Variants in MGAT4D observed in about 807,000 individuals in gnomAD.
MGAT4D encodes the protein MGAT4 family member D, also known as alpha-1,3-mannosyl-glycoprotein 4-beta-N-acetylglucosaminyltransferase-like protein MGAT4D.
In MGAT4D, 34 loss-of-function variants were observed where a neutral mutation model predicts 15.9. That is an observed-to-expected ratio of 2.14 (90% CI 1.62 to 2.84). MGAT4D has a LOEUF of 2.84. Among genes scored for constraint, MGAT4D ranks in the 30% most tolerant of loss-of-function variants. The probability of loss-of-function intolerance (pLI) is 0.00; values close to 1 mark genes in which losing one functional copy is unlikely to be tolerated. For missense variants in MGAT4D, 327 were observed against 140.2 expected (o/e 2.33, Z -6.73); for synonymous variants, 112 against 48.2 (o/e 2.33, Z -5.49).
intron 1 of MGAT4D, among the ~76,000 whole-genome samples, chr4:140,483,879 T>A (rs1732911815): frequency 6.6e-6 from 1 of 152,162 alleles, no homozygotes; most frequent in Non-Finnish European, 1.5e-5. Context: ...ATGAAAGACT[T>A]AAGTGTAAGA....
intron 1 of MGAT4D, among the ~76,000 whole-genome samples, chr4:140,491,376 T>C (rs1733493283): frequency 6.6e-6 from 1 of 152,112 alleles, no homozygotes; most frequent in Non-Finnish European, 1.5e-5. Context: ...TGCTCTAGAA[T>C]GAGCCCTCTC....
Position 140,491,532 on chromosome 4 carries a change from C to A in MGAT4D, c.94+6597G>T, listed in dbSNP as rs186800578. Among the ~76,000 whole-genome samples the A allele has an allele frequency of 1.6e-3, 249 of 152,062 alleles. 2 individuals carry two copies. The highest frequency in any genetic ancestry group is 5.7e-3 in the African/African-American group (237 of 41,470). ...CCAAGAGGGGGAACATATGAAGTAG[C>A]CTGCAGGCATGCAGCTTGAAGCACC... On this transcript the variant is annotated intron_variant, in intron 1 of 10. Coordinates refer to ENST00000511113, the MANE Select transcript of MGAT4D (RefSeq NM_001277353.2).
chr4:140,445,094 A>G (rs963905378), intron 10 of MGAT4D, among the ~76,000 whole-genome samples: 9 of 152,074 alleles, frequency 5.9e-5, no homozygotes, highest in Non-Finnish European at 1.3e-4. Flanking sequence ...TATGTTGGCC[A>G]GGCTGGTCTC....
At chr4:140,463,381 A>C (rs974443367) in intron 6 of MGAT4D, among the ~76,000 whole-genome samples, 7 of 152,050 alleles carry the variant, frequency 4.6e-5, no homozygotes, top group African/African-American at 1.7e-4. Context: ...TGCAGATATG[A>C]GCACAGAAGC....
intron 1 of MGAT4D, among the ~76,000 whole-genome samples, chr4:140,485,293 T>C (rs1733028551): frequency 6.6e-6 from 1 of 151,764 alleles, no homozygotes; most frequent in African/African-American, 2.4e-5. Flanking sequence ...CAGTAAACTA[T>C]CACAAGGACA....
chr4:140,474,665 G>A (rs1423879321), intron 4 of MGAT4D, 148 bp downstream of exon 4: 1 of 422,126 alleles, frequency 2.4e-6, no homozygotes, highest in Non-Finnish European at 4.2e-6. Flanking sequence ...TAAGTATGTT[G>A]TCTGGTATCC....
chr4:140,449,876 A>G, intron 10 of MGAT4D: 1 of 193,492 alleles, frequency 5.2e-6, no homozygotes. Context: ...AAACACAGCA[A>G]CAAAAGTTGA....
intron 10 of MGAT4D, among the ~76,000 whole-genome samples, chr4:140,450,813 G>A (rs994919220): frequency 1.8e-4 from 27 of 152,130 alleles, no homozygotes; most frequent in African/African-American, 6.0e-4. Context: ...GTTATAGCCT[G>A]CCCAATATCA....
chr4:140,481,049 C>T lies in MGAT4D; in HGVS notation c.253+1278G>A, dbSNP rs75970725. ...GGCTATAATAGGACAGGCATGGTCCCGTAATTCCAGCACTTTGGAAGGCTG... is the reference window on the plus strand; with the variant it reads ...GGCTATAATAGGACAGGCATGGTCCTGTAATTCCAGCACTTTGGAAGGCTG... On this transcript the variant is annotated intron_variant, in intron 2 of 10. Transcript: ENST00000511113. Among the ~76,000 whole-genome samples, 1,511 of 152,128 alleles carry T rather than the reference C, an allele frequency of 9.9e-3. 24 individuals are homozygous for T. Among genetic ancestry groups the T allele is most frequent in the African/African-American group, 0.034 (1,418 of 41,482 alleles).
rs866239962 is a variant in MGAT4D at position 140,485,115 on chromosome 4, G to A, written c.95-2630C>T. On this transcript the variant is annotated intron_variant, in intron 1 of 10. Transcript: ENST00000511113. The stretch of plus-strand genomic sequence containing the variant: ...ACACATGCACACGTATGTTTACTGC[G>A]GCACTATTCACAATAGCAAAGACTT... Among the ~76,000 whole-genome samples the A allele has an allele frequency of 4.6e-5, 7 of 152,214 alleles. 1 individual carries two copies. Among genetic ancestry groups the A allele is most frequent in the African/African-American group, 1.4e-4 (6 of 41,538 alleles).
chr4:140,459,354 G>A (rs989211892), intron 8 of MGAT4D, 158 bp downstream of exon 8: 3 of 317,140 alleles, frequency 9.5e-6, no homozygotes, highest in African/African-American at 2.1e-5. Flanking sequence ...TGGAATTTAG[G>A]TACTTGCATC....
At chr4:140,486,592 A>G (rs1276024571) in intron 1 of MGAT4D, among the ~76,000 whole-genome samples, 1 of 152,142 alleles carries the variant, frequency 6.6e-6, no homozygotes, top group Non-Finnish European at 1.5e-5. Context: ...CATATTATGT[A>G]TTGACTGCTT....
At chr4:140,475,484 A>T (rs1732248933) in intron 3 of MGAT4D, among the ~76,000 whole-genome samples, 1 of 152,100 alleles carries the variant, frequency 6.6e-6, no homozygotes, top group Non-Finnish European at 1.5e-5. Context: ...GTACAGGTGC[A>T]GCTAAGATTG....
chr4:140,488,527 C>A (rs1733290914), intron 1 of MGAT4D, among the ~76,000 whole-genome samples: 1 of 152,130 alleles, frequency 6.6e-6, no homozygotes, highest in African/African-American at 2.4e-5. Context: ...ATGATTAATT[C>A]TTAAGGAGAA....
At chr4:140,492,627 C>CAAA (rs57107544) in intron 1 of MGAT4D, among the ~76,000 whole-genome samples, 5 of 113,768 alleles carry the variant, frequency 4.4e-5, no homozygotes, top group African/African-American at 1.6e-4. Flanking sequence ...GACTCTGTCT[C>CAAA]AAAAAAAAAA....
chr4:140,489,800 T>C (rs1001322035), intron 1 of MGAT4D, among the ~76,000 whole-genome samples: 48 of 152,246 alleles, frequency 3.2e-4, no homozygotes, highest in Non-Finnish European at 5.3e-4. Context: ...AAGAATATTC[T>C]GGTACATGTC....
chr4:140,497,393 T>C (rs1184876491), intron 1 of MGAT4D, among the ~76,000 whole-genome samples: 1 of 152,214 alleles, frequency 6.6e-6, no homozygotes, highest in Non-Finnish European at 1.5e-5. Flanking sequence ...AAAAAAGACG[T>C]AAATATTTTA....
At chr4:140,483,930 A>T (rs1248378118) in intron 1 of MGAT4D, among the ~76,000 whole-genome samples, 1 of 152,196 alleles carries the variant, frequency 6.6e-6, no homozygotes, top group East Asian at 1.9e-4. Flanking sequence ...ATTAGGAAAA[A>T]GCTTATTGAC....
chr4:140,494,589 T>A (rs1022341283), intron 1 of MGAT4D, among the ~76,000 whole-genome samples: 62 of 152,312 alleles, frequency 4.1e-4, no homozygotes, highest in African/African-American at 1.4e-3. Context: ...CACTGGGATC[T>A]CTAATAAGCA....
Sources: allele counts gnomAD v4.1 joint callset (sites outside exome capture counted in the v4.1 genomes callset), GRCh38; gene constraint gnomAD v4.1.1; transcripts MANE v1.5; gene names NCBI Gene and HGNC (gene_info 2026-07-23, HGNC 2026-07-21).